TMPRSS11D: variants seen among roughly 807,000 people sequenced by gnomAD.
TMPRSS11D encodes the protein transmembrane serine protease 11D, also known as transmembrane protease serine 11D.
A neutral mutation model predicts 44.4 loss-of-function variants in TMPRSS11D; 32 were observed. The observed-to-expected ratio is 0.72, with a 90% confidence interval of 0.54 to 0.97. TMPRSS11D has a LOEUF of 0.97. TMPRSS11D is among the 50% of genes least tolerant of loss of function. TMPRSS11D has a pLI of 0.00. For missense variants in TMPRSS11D, 446 were observed against 502.6 expected (o/e 0.89, Z 1.08); for synonymous variants, 179 against 177.9 (o/e 1.01, Z -0.05).
chr4:67,869,068 T>C (rs1471935641), intron 1 of TMPRSS11D, among the ~76,000 whole-genome samples: 1 of 152,184 alleles, frequency 6.6e-6, no homozygotes, highest in Non-Finnish European at 1.5e-5. Context: ...GACTAGACAA[T>C]TTGAGTTGTT....
intron 4 of TMPRSS11D, among the ~76,000 whole-genome samples, chr4:67,838,816 T>C (rs1313539454): frequency 6.6e-6 from 1 of 152,082 alleles, no homozygotes; most frequent in Non-Finnish European, 1.5e-5. Context: ...TTTGTGTGAG[T>C]TAGAGACTCA....
At chr4:67,853,464 G>T (rs1718557177) in intron 3 of TMPRSS11D, among the ~76,000 whole-genome samples, 2 of 152,118 alleles carry the variant, frequency 1.3e-5, no homozygotes, top group South Asian at 4.1e-4. Context: ...AAAAGGTAAG[G>T]GTAAGTGAGT....
chr4:67,868,153 A>G (rs1284827519), intron 1 of TMPRSS11D, among the ~76,000 whole-genome samples: 1 of 152,126 alleles, frequency 6.6e-6, no homozygotes, highest in Non-Finnish European at 1.5e-5. Flanking sequence ...TGTCTTTTAC[A>G]GCAATATGGA....
chr4:67,874,084 T>C (rs1402528780), intron 1 of TMPRSS11D, among the ~76,000 whole-genome samples: 1 of 152,116 alleles, frequency 6.6e-6, no homozygotes, highest in African/African-American at 2.4e-5. Context: ...ACACAAATAT[T>C]TACTATTGTG....
chr4:67,832,319 T>C (rs559514536), intron 7 of TMPRSS11D, among the ~76,000 whole-genome samples: 1 of 152,248 alleles, frequency 6.6e-6, no homozygotes, highest in Non-Finnish European at 1.5e-5. Flanking sequence ...GGTGAACTTT[T>C]TGAGTTAAGT....
chr4:67,867,860 C>T (rs1403519474), intron 1 of TMPRSS11D, among the ~76,000 whole-genome samples: 2 of 152,130 alleles, frequency 1.3e-5, no homozygotes, highest in African/African-American at 4.8e-5. Context: ...CACTTACACA[C>T]TTTTGGTGGA....
intron 1 of TMPRSS11D, among the ~76,000 whole-genome samples, chr4:67,881,999 A>C (rs2109709072): frequency 6.6e-6 from 1 of 152,258 alleles, no homozygotes; most frequent in East Asian, 1.9e-4. Context: ...TCCCTTGGTG[A>C]ACCTGAGAAA....
At chr4:67,853,508 C>G (rs1184792294) in intron 3 of TMPRSS11D, among the ~76,000 whole-genome samples, 1 of 152,060 alleles carries the variant, frequency 6.6e-6, no homozygotes, top group Non-Finnish European at 1.5e-5. Flanking sequence ...AAGGGCAGCC[C>G]CTAGTTTGTG....
intron 1 of TMPRSS11D, among the ~76,000 whole-genome samples, chr4:67,878,432 A>C (rs1268096825): frequency 6.6e-6 from 1 of 152,118 alleles, no homozygotes; most frequent in Non-Finnish European, 1.5e-5. Flanking sequence ...TGATTACCCA[A>C]AGTCCTTAAA....
intron 7 of TMPRSS11D, among the ~76,000 whole-genome samples, chr4:67,832,938 T>C (rs541116109): frequency 6.6e-6 from 1 of 152,236 alleles, no homozygotes; most frequent in South Asian, 2.1e-4. Context: ...CTTAAGCTTT[T>C]ATAGCTAGGA....
chr4:67,872,341 T>C (rs921714073), intron 1 of TMPRSS11D, among the ~76,000 whole-genome samples: 1 of 152,198 alleles, frequency 6.6e-6, no homozygotes, highest in African/African-American at 2.4e-5. Flanking sequence ...TAACTAAAGA[T>C]GTTTTCTAAC....
rs1429207359 is a variant in TMPRSS11D, at chr4:67,857,289, ATATATATATATATATAT to A, written c.130+2251_130+2267del. 1.6e-3 allele frequency among the ~76,000 whole-genome samples: 120 copies of A among 76,330 alleles called. 1 individual carries two copies. The highest frequency in any genetic ancestry group is 3.9e-3 in the South Asian group (7 of 1,818). The allele number at this position is 76,330 out of a possible 152,430, so 50.1% of individuals were successfully genotyped here. A position where few individuals can be genotyped will look rare whatever the true frequency, so the allele number is the denominator to read the frequency against. ...AAATATGGTATATATATATATATAT[ATATATATATATATATAT>A]ATATATATATATATATACACACACA... On this transcript the variant is annotated intron_variant, in intron 2 of 9. Coordinates refer to ENST00000283916, the MANE Select transcript of TMPRSS11D (RefSeq NM_004262.3).
chr4:67,850,338 G>T (rs529204276), intron 3 of TMPRSS11D, among the ~76,000 whole-genome samples: 3 of 152,278 alleles, frequency 2.0e-5, no homozygotes, highest in African/African-American at 7.2e-5. Flanking sequence ...ATTAATCTTT[G>T]ACTTCTCCTG....
intron 2 of TMPRSS11D, among the ~76,000 whole-genome samples, chr4:67,856,693 A>G (rs138174224): frequency 1.2e-4 from 18 of 152,274 alleles, no homozygotes. Flanking sequence ...GAATGGAAAG[A>G]CAACCTATTG....
At chr4:67,857,250 T>C (rs1166149117) in intron 2 of TMPRSS11D, among the ~76,000 whole-genome samples, 1 of 142,686 alleles carries the variant, frequency 7.0e-6, no homozygotes, top group African/African-American at 2.7e-5. Context: ...CATCAACAAA[T>C]GAACGGATAA....
At chr4:67,865,542 G>A (rs753601520) in intron 1 of TMPRSS11D, among the ~76,000 whole-genome samples, 2 of 150,318 alleles carry the variant, frequency 1.3e-5, no homozygotes, top group Non-Finnish European at 3.0e-5. Context: ...AGAAAAAGTT[G>A]GTTACTTGAA....
At chr4:67,833,995 T>C (rs563513563) in intron 6 of TMPRSS11D, among the ~76,000 whole-genome samples, 2 of 152,304 alleles carry the variant, frequency 1.3e-5, no homozygotes, top group Non-Finnish European at 2.9e-5. Flanking sequence ...GGAGTCGCTA[T>C]ACCACAGAAT....
intron 3 of TMPRSS11D, among the ~76,000 whole-genome samples, chr4:67,843,004 C>T (rs1718267141): frequency 6.6e-6 from 1 of 151,968 alleles, no homozygotes; most frequent in African/African-American, 2.4e-5. Flanking sequence ...AATGTGTGAT[C>T]CCAACAATTG....
At position 67,825,892 on chromosome 4, in the gene TMPRSS11D, A is replaced by C. The variant is rs1285665546; in HGVS notation, c.953-18T>G. On this transcript the variant is annotated intron_variant, in intron 8 of 9. Transcript: ENST00000283916. ...TGTGTGGCCTGTTTGTTATAAAAGC[A>C]GGAAAAAAATGGACTTCAAGATGTG... 6 of 1,599,640 alleles carry C rather than the reference A, an allele frequency of 3.8e-6. No homozygotes were observed. Among genetic ancestry groups the C allele is most frequent in the South Asian group, 1.1e-5 (1 of 88,778 alleles).
Sources: gnomAD v4.1 joint callset for allele counts (sites outside exome capture counted in the v4.1 genomes callset) on GRCh38, gnomAD v4.1.1 for gene constraint, MANE v1.5 for transcripts, NCBI Gene and HGNC (gene_info 2026-07-23, HGNC 2026-07-21) for gene names.